PRKCH: variants seen among roughly 807,000 people sequenced by gnomAD.
PRKCH encodes protein kinase C eta type.
Under a neutral mutation model 82.5 loss-of-function variants are expected in PRKCH, and 28 were observed. The ratio of observed to expected loss-of-function variants is 0.34; its 90% confidence interval spans 0.25 to 0.47. PRKCH has a LOEUF of 0.47. Among genes scored for constraint, PRKCH ranks in the 20% least tolerant of loss-of-function variants. PRKCH has a pLI of 1.00. For missense variants in PRKCH, 705 were observed against 881.8 expected, an observed-to-expected ratio of 0.80 and a Z score of 2.54; for synonymous variants, 322 against 327.4, an observed-to-expected ratio of 0.98 and a Z score of 0.18.
At chr14:61,293,242 G>A (rs1465417976) in intron 1 of PRKCH, among the ~76,000 whole-genome samples, 1 of 152,222 alleles carries the variant, frequency 6.6e-6, no homozygotes. Flanking sequence ...CAGAGGGCCT[G>A]TCAGCTGGTG....
At chr14:61,212,398 C>T (rs2044589811) in intron 1 of PRKCH, among the ~76,000 whole-genome samples, 4 of 152,196 alleles carry the variant, frequency 2.6e-5, no homozygotes, top group Admixed American at 2.6e-4. Context: ...AAAAAACCTA[C>T]AGAAAATGGA....
At chr14:61,500,660 T>C (rs1886865537) in intron 10 of PRKCH, among the ~76,000 whole-genome samples, 1 of 152,154 alleles carries the variant, frequency 6.6e-6, no homozygotes, top group Non-Finnish European at 1.5e-5. Flanking sequence ...TCAGCCTGTA[T>C]GTGCACATGA....
chr14:61,214,897 T>C (rs1052920429), intron 1 of PRKCH, among the ~76,000 whole-genome samples: 2 of 152,212 alleles, frequency 1.3e-5, no homozygotes, highest in Non-Finnish European at 2.9e-5. Flanking sequence ...TATCAGAAGG[T>C]GTTTTCAGAT....
At chr14:61,275,561 C>T (rs2045194437) in intron 1 of PRKCH, among the ~76,000 whole-genome samples, 1 of 152,140 alleles carries the variant, frequency 6.6e-6, no homozygotes, top group Non-Finnish European at 1.5e-5. Context: ...AGACAAATCG[C>T]ACTTAAATTG....
At chr14:61,497,400 G>A (rs998902030) in intron 10 of PRKCH, among the ~76,000 whole-genome samples, 1 of 152,178 alleles carries the variant, frequency 6.6e-6, no homozygotes, top group Non-Finnish European at 1.5e-5. Context: ...CTGGTATGTA[G>A]TACATGCTCA....
chr14:61,523,972 A>C (rs939724743), intron 10 of PRKCH, among the ~76,000 whole-genome samples: 2 of 152,240 alleles, frequency 1.3e-5, no homozygotes, highest in Non-Finnish European at 2.9e-5. Context: ...CTGTGTGATC[A>C]GTATGGGAGT....
intron 10 of PRKCH, among the ~76,000 whole-genome samples, chr14:61,510,628 C>T (rs551858090): frequency 2.0e-5 from 3 of 152,138 alleles, no homozygotes; most frequent in Admixed American, 1.3e-4. Flanking sequence ...GTTAGAGATG[C>T]GGCCTGGCTC....
In PRKCH at chr14:61,329,322, C is replaced by T. The variant is rs1225889748; in HGVS notation, c.363+6858C>T. On this transcript the variant is annotated intron_variant, in intron 1 of 13. Coordinates refer to ENST00000332981, the MANE Select transcript of PRKCH (RefSeq NM_006255.5). ...CACGATCTCGGCTCACTTCAACCTCCGCCTCCCAGGTTCAAGCGATTCTCC... is the reference window on the plus strand; with the variant it reads ...CACGATCTCGGCTCACTTCAACCTCTGCCTCCCAGGTTCAAGCGATTCTCC... 1.7e-4 allele frequency among the ~76,000 whole-genome samples: 23 copies of T among 134,206 alleles called. No homozygotes were observed. In the East Asian group the frequency reaches 3.1e-3, roughly 18 times the overall value. 88.0% of individuals were successfully genotyped at this position (134,206 alleles called of 152,430 possible).
chr14:61,260,151 T>C (rs547093447), intron 1 of PRKCH, among the ~76,000 whole-genome samples: 25 of 152,364 alleles, frequency 1.6e-4, no homozygotes, highest in Non-Finnish European at 3.5e-4. Flanking sequence ...ATATTAAGGT[T>C]CTAGCTTTAC....
intron 1 of PRKCH, among the ~76,000 whole-genome samples, chr14:61,200,388 A>AGTGTGTGTGT (rs34645520): frequency 3.9e-4 from 56 of 142,474 alleles, no homozygotes; most frequent in African/African-American, 1.6e-3. Context: ...TGAGTGAGTG[A>AGTGTGTGTGT]GTGTGTGTGT....
At chr14:61,455,272 C>A (rs537099771) in intron 7 of PRKCH, among the ~76,000 whole-genome samples, 81 of 151,418 alleles carry the variant, frequency 5.3e-4, no homozygotes, top group African/African-American at 1.9e-3. Context: ...GATCTCCTGA[C>A]CTTGTCATCC....
upstream of PRKCH, among the ~76,000 whole-genome samples, chr14:61,321,080 G>T (rs1409997520): frequency 6.6e-6 from 1 of 152,200 alleles, no homozygotes; most frequent in Non-Finnish European, 1.5e-5. The surrounding 1 kb of genome is among the most constrained non-coding windows in gnomAD (Gnocchi z 4.1). Flanking sequence ...ATTAGCCTCT[G>T]CAGGAAAGGC....
rs1381307534 is a variant in PRKCH, at chr14:61,188,408, T to TTCTGGCTCCGGC, written c.-19+755_-19+766dup. Among the ~76,000 whole-genome samples the TTCTGGCTCCGGC allele has an allele frequency of 1.4e-4, 22 of 152,200 alleles. No homozygotes were observed. The East Asian group carries it at 1.5e-3, about 11-fold the overall frequency. On this transcript the variant is annotated intron_variant, in intron 1 of 3. Transcript: ENST00000555185. The stretch of plus-strand genomic sequence containing the variant: ...AGGCTGGCCCGCGGCTCTCAGGCAG[T>TTCTGGCTCCGGC]TCTGGCTCCGGCTCTGGCTCCGGCT...
At chr14:61,380,076 A>G (rs1011502221) in intron 1 of PRKCH, among the ~76,000 whole-genome samples, 1 of 151,646 alleles carries the variant, frequency 6.6e-6, no homozygotes, top group Non-Finnish European at 1.5e-5. Context: ...TTGTTTTATT[A>G]TGGGGTTTCA....
upstream of PRKCH, among the ~76,000 whole-genome samples, chr14:61,319,473 T>C (rs905573605): frequency 1.3e-5 from 2 of 152,160 alleles, no homozygotes; most frequent in African/African-American, 4.8e-5. Context: ...TGATAGGTAC[T>C]GATAGGGTGA....
At chr14:61,329,388 A>G (rs2045751317) in intron 1 of PRKCH, among the ~76,000 whole-genome samples, 2 of 151,350 alleles carry the variant, frequency 1.3e-5, no homozygotes, top group South Asian at 4.2e-4. Context: ...GGCACACACC[A>G]CCACGCCTGG....
intron 10 of PRKCH, among the ~76,000 whole-genome samples, chr14:61,503,237 AC>A (rs1886997438): frequency 6.6e-6 from 1 of 151,000 alleles, no homozygotes; most frequent in Non-Finnish European, 1.5e-5. Context: ...ACAGGTTCAA[AC>A]CCGTCAGAGG....
chr14:61,293,051 G>A (rs578094835), intron 1 of PRKCH, among the ~76,000 whole-genome samples: 3 of 152,122 alleles, frequency 2.0e-5, no homozygotes, highest in Non-Finnish European at 2.9e-5. Flanking sequence ...GTAATAAAGT[G>A]GCACATGACT....
intron 1 of PRKCH, chr14:61,361,201 A>G (rs2046220208): frequency 6.6e-6 from 1 of 152,198 alleles, no homozygotes; most frequent in African/African-American, 2.4e-5. Context: ...TTTCTGAGAG[A>G]AGAGATGTGA....
Sources: gnomAD v4.1 joint callset for allele counts (sites outside exome capture counted in the v4.1 genomes callset) on GRCh38, gnomAD v4.1.1 for gene constraint, Gnocchi (gnomAD v3.1) non-coding constraint, MANE v1.5 for transcripts, NCBI Gene and HGNC (gene_info 2026-07-23, HGNC 2026-07-21) for gene names.